The following ZNF737 variants were observed in gnomAD, a reference collection of about 807,000 sequenced individuals.
The protein encoded by ZNF737 is zinc finger protein 102 (Y3).
ZNF737 carries 13 observed loss-of-function variants against 11.7 expected under a neutral mutation model. The ratio of observed to expected loss-of-function variants is 1.11; its 90% CI spans 0.73 to 1.77. The LOEUF is 1.77. Ranked by LOEUF, ZNF737 falls within the 40% of genes most tolerant of loss-of-function variation. The pLI is 0.00. For missense variants in ZNF737, 636 were observed against 638.0 expected (o/e 1.00, Z 0.03); for synonymous variants, 217 against 216.2 (o/e 1.00, Z -0.03).
chr19:20,562,809 G>A (rs1337364049), intron 1 of ZNF737, among the ~76,000 whole-genome samples: 3 of 151,930 alleles, frequency 2.0e-5, no homozygotes, highest in African/African-American at 7.3e-5. Flanking sequence ...CCTCCCTCAG[G>A]CTCCTGAACT....
chr19:20,557,500 AAG>A (rs1233348646), intron 1 of ZNF737, among the ~76,000 whole-genome samples: 1 of 151,946 alleles, frequency 6.6e-6, no homozygotes, highest in Admixed American at 6.6e-5. Flanking sequence ...AAAAAAAAAA[AAG>A]AAAACTTAAA....
downstream of ZNF737, among the ~76,000 whole-genome samples, chr19:20,536,572 G>C (rs781932449): frequency 6.6e-6 from 1 of 152,090 alleles, no homozygotes; most frequent in Non-Finnish European, 1.5e-5. Flanking sequence ...CACTTTGAGA[G>C]GCCGAGGTGG....
chr19:20,565,495 AC>A (rs1555763587), intron 1 of ZNF737, 142 bp downstream of exon 1: 1 of 1,431,510 alleles, frequency 7.0e-7, no homozygotes, highest in African/African-American at 1.4e-5. Flanking sequence ...GCTGAACGGG[AC>A]TGAGGCCGAG....
intron 3 of ZNF737, among the ~76,000 whole-genome samples, chr19:20,546,438 T>A (rs1470253461): frequency 6.6e-6 from 1 of 152,106 alleles, no homozygotes; most frequent in Non-Finnish European, 1.5e-5. Context: ...CAGTGAGAAT[T>A]TATATTGCAG....
intron 1 of ZNF737, among the ~76,000 whole-genome samples, chr19:20,557,057 G>C (rs1338422018): frequency 6.6e-6 from 1 of 152,150 alleles, no homozygotes; most frequent in Non-Finnish European, 1.5e-5. Flanking sequence ...GAAAGAAAGA[G>C]GTTAATGTAG....
intron 2 of ZNF737, among the ~76,000 whole-genome samples, chr19:20,552,945 G>T (rs4809065): frequency 0.13 from 20,064 of 149,852 alleles, 1,539 homozygotes; most frequent in South Asian, 0.2. Flanking sequence ...CTGGGAGGTG[G>T]ATGTTTCAGT....
At chr19:20,563,061 A>G (rs1969158504) in intron 1 of ZNF737, among the ~76,000 whole-genome samples, 1 of 148,954 alleles carries the variant, frequency 6.7e-6, no homozygotes, top group African/African-American at 2.5e-5. Flanking sequence ...TGCTGTTGCA[A>G]TTTTTTTTGG....
chr19:20,545,905 G>C lies in ZNF737; in HGVS notation c.298C>G (p.Leu100Val). Residue 100 changes from leucine to valine, a missense_variant, in exon 4 of 4, where the codon CTG becomes GTG. By Grantham distance (32) the Leu-to-Val change is conservative. Transcript: ENST00000427401. ...SIKDSFQKVTLRRYENYGHDN... is the reference protein window; with the variant it reads ...SIKDSFQKVTVRRYENYGHDN... ...TGTCCATAGTTTTCATATCTTCTCA[G>C]TGTCACTTTTTGGAAAGAATCTTTT... is the stretch of plus-strand genomic sequence containing the variant. 6.2e-7 allele frequency: 1 copy of C among 1,600,180 alleles called. No individual in the cohort carries two copies. The highest frequency in any genetic ancestry group is 8.5e-7 in the Non-Finnish European group (1 of 1,176,082).
At chr19:20,547,327 G>A (rs1158143762) in intron 3 of ZNF737, among the ~76,000 whole-genome samples, 2 of 147,192 alleles carry the variant, frequency 1.4e-5, no homozygotes, top group African/African-American at 5.1e-5. Flanking sequence ...CTTGCAGTAA[G>A]CTGAGATTGC....
intron 1 of ZNF737, among the ~76,000 whole-genome samples, chr19:20,560,909 G>A (rs1163620452): frequency 6.6e-6 from 1 of 152,180 alleles, no homozygotes; most frequent in Non-Finnish European, 1.5e-5. Flanking sequence ...AGACGCTGCG[G>A]CCTAGTTGAG....
intron 1 of ZNF737, among the ~76,000 whole-genome samples, chr19:20,554,669 A>G (rs1968818320): frequency 6.6e-6 from 1 of 152,224 alleles, no homozygotes; most frequent in Non-Finnish European, 1.5e-5. Flanking sequence ...AAAAAAGTAA[A>G]TAAAATCTGA....
rs1348617548 is a variant in ZNF737 at position 20,541,991 on chromosome 19, TAA to T, written c.*2599_*2600del. 7.1e-6 allele frequency: 7 copies of T among 979,082 alleles called. No homozygotes were observed. In the East Asian group the frequency reaches 3.4e-4, roughly 48 times the overall value. The allele number at this position is 979,082 out of a possible 1,614,324, so 60.6% of individuals were successfully genotyped here. ...GAATACAAATAAAAAATTTAAATAA[TAA>T]AGAGTCAAAATTTAATCTATGGGAA... On this transcript the variant is annotated 3_prime_UTR_variant, in exon 4 of 4. Coordinates refer to ENST00000427401, the MANE Select transcript of ZNF737 (RefSeq NM_001159293.2).
chr19:20,532,329 CA>C (rs1181573142), downstream of ZNF737, among the ~76,000 whole-genome samples: 2 of 150,062 alleles, frequency 1.3e-5, no homozygotes, highest in African/African-American at 4.9e-5. Flanking sequence ...ATCTCAGCTT[CA>C]GGGGTAGAAT....
Position 20,543,098 on chromosome 19 carries a change from T to G in ZNF737, c.*1494A>C. On this transcript the variant is annotated 3_prime_UTR_variant, in exon 4 of 4. Transcript: ENST00000427401. ...TATTCTACTGTAAACTCTCTTGATA[T>G]TTATATACAATCTATTTTGAATTAA... 2.1e-6 allele frequency: 2 copies of G among 961,378 alleles called. No individual in the cohort carries two copies. The highest frequency in any genetic ancestry group is 1.2e-6 in the Non-Finnish European group (1 of 808,260). 59.6% of individuals were successfully genotyped at this position (961,378 alleles called of 1,614,324 possible).
downstream of ZNF737, among the ~76,000 whole-genome samples, chr19:20,533,995 G>A (rs1211184505): frequency 6.7e-6 from 1 of 150,112 alleles, no homozygotes; most frequent in African/African-American, 2.5e-5. Flanking sequence ...GTATCACCTA[G>A]AATAAGATAG....
chr19:20,554,115 GTTTACATCA>G (rs1332990107), intron 1 of ZNF737, among the ~76,000 whole-genome samples: 4 of 152,172 alleles, frequency 2.6e-5, no homozygotes, highest in African/African-American at 9.7e-5. Context: ...TGAGTGCTAT[GTTTACATCA>G]TATGGAATGA....
chr19:20,540,530 G>A lies in ZNF737; in HGVS notation c.*4062C>T, dbSNP rs1377386905. Among the ~76,000 whole-genome samples, 4 of 152,168 alleles carry A rather than the reference G, an allele frequency of 2.6e-5. No homozygotes were observed. Among genetic ancestry groups the A allele is most frequent in the African/African-American group, 7.2e-5 (3 of 41,440 alleles). ...AATACCAGCACCGTGGGAGGCTGAA[G>A]CAGGCAGATCATGAGGCCAGGAGTT... is the stretch of plus-strand genomic sequence containing the variant. On this transcript the variant is annotated 3_prime_UTR_variant, in exon 4 of 4. Coordinates refer to ENST00000427401, the MANE Select transcript of ZNF737 (RefSeq NM_001159293.2).
chr19:20,562,271 T>C (rs1969125255), intron 1 of ZNF737, among the ~76,000 whole-genome samples: 1 of 151,904 alleles, frequency 6.6e-6, no homozygotes, highest in African/African-American at 2.4e-5. Context: ...CCTTCCAGGT[T>C]CAAGCAATTC....
rs1968102015 is a variant in ZNF737 at position 20,539,260 on chromosome 19, A to T, written c.*5332T>A. On this transcript the variant is annotated 3_prime_UTR_variant, in exon 4 of 4. Coordinates refer to ENST00000427401, the MANE Select transcript of ZNF737 (RefSeq NM_001159293.2). ...AGCTGAGCACGTACCATTGCAGTGC[A>T]GCGTGAGTGACAGAGTGAGAATCCT... is the stretch of plus-strand genomic sequence containing the variant. The T allele has an allele frequency of 1.1e-6, 1 of 935,662 alleles. No homozygotes were observed. The highest frequency in any genetic ancestry group is 1.3e-6 in the Non-Finnish European group (1 of 784,826). 58.0% of individuals were successfully genotyped at this position (935,662 alleles called of 1,614,324 possible).
Sources: allele counts gnomAD v4.1 joint callset (sites outside exome capture counted in the v4.1 genomes callset), GRCh38; gene constraint gnomAD v4.1.1; transcripts MANE v1.5; gene names NCBI Gene and HGNC (gene_info 2026-07-23, HGNC 2026-07-21).